CLEC16A: variants seen among roughly 807,000 people sequenced by gnomAD.
CLEC16A encodes protein CLEC16A.
In CLEC16A, 51 loss-of-function variants were observed where a neutral mutation model predicts 109.5. The observed-to-expected ratio is 0.47, with a 90% CI of 0.37 to 0.59. CLEC16A has a LOEUF of 0.59. Among genes scored for constraint, CLEC16A ranks in the 20% least tolerant of loss-of-function variants. The pLI is 0.00. For synonymous variants in CLEC16A, 673 were observed against 564.2 expected (o/e 1.19, Z -2.73); for missense variants, 1,339 against 1,394.0 (o/e 0.96, Z 0.63).
chr16:11,008,992 C>G (rs1362274460), intron 11 of CLEC16A, among the ~76,000 whole-genome samples: 1 of 152,122 alleles, frequency 6.6e-6, no homozygotes, highest in African/African-American at 2.4e-5. Flanking sequence ...GAGCGAGACT[C>G]TGTCTCAAAA....
intron 23 of CLEC16A, among the ~76,000 whole-genome samples, chr16:11,170,973 G>A (rs969343939): frequency 1.3e-5 from 2 of 152,210 alleles, no homozygotes; most frequent in African/African-American, 2.4e-5. Context: ...TGGTCCGTGA[G>A]GAAGGTGGCC....
At chr16:11,130,427 C>T (rs921947158) in intron 22 of CLEC16A, among the ~76,000 whole-genome samples, 11 of 152,204 alleles carry the variant, frequency 7.2e-5, no homozygotes, top group African/African-American at 2.2e-4. Flanking sequence ...CAGCATCCCT[C>T]GGCTAAATTT....
At chr16:10,978,577 T>C (rs906166516) in intron 8 of CLEC16A, among the ~76,000 whole-genome samples, 6 of 152,220 alleles carry the variant, frequency 3.9e-5, no homozygotes, top group African/African-American at 1.4e-4. Flanking sequence ...CAGCCAGGAC[T>C]GAGGCTTTGA....
At chr16:11,140,497 A>G (rs2053774096) in intron 22 of CLEC16A, among the ~76,000 whole-genome samples, 1 of 152,204 alleles carries the variant, frequency 6.6e-6, no homozygotes, top group Admixed American at 6.5e-5. Context: ...ACAGTGGTCT[A>G]GCATCTCAAA....
chr16:10,969,188 A>T lies in CLEC16A; in HGVS notation c.371A>T (p.Asn124Ile). 4 of 1,610,552 alleles carry T rather than the reference A, an allele frequency of 2.5e-6. No individual in the cohort carries two copies. The highest frequency in any genetic ancestry group is 3.4e-6 in the Non-Finnish European group (4 of 1,177,722). ...TATTTGCTCTCAAATAACTACGTAAATTCTATCATCGTTCATAAATTTGAC... is the reference window on the plus strand; with the variant it reads ...TATTTGCTCTCAAATAACTACGTAATTTCTATCATCGTTCATAAATTTGAC... ...LYYLLSNNYV[N>I]SIIVHKFDFS... is the part of the protein sequence containing the mutation. The change falls in exon 4 of 24, where the codon AAT becomes ATT. Residue 124 changes from asparagine to isoleucine, a missense_variant. Asn to Ile is a moderately radical substitution (Grantham distance 149). This residue lies in a region of CLEC16A where 161 missense variants were observed against 267.1 expected (regional missense o/e 0.60). Coordinates refer to ENST00000409790, the MANE Select transcript of CLEC16A (RefSeq NM_015226.3).
At chr16:11,166,256 G>C in intron 22 of CLEC16A, 132 bp from the exon 23 acceptor site, 1 of 980,066 alleles carries the variant, frequency 1.0e-6, no homozygotes, top group Non-Finnish European at 1.4e-6. Flanking sequence ...CGACCAGTGA[G>C]GTCAGCCTGT....
At chr16:11,045,341 C>T (rs936251640) in intron 16 of CLEC16A, among the ~76,000 whole-genome samples, 6 of 152,016 alleles carry the variant, frequency 3.9e-5, no homozygotes, top group Admixed American at 1.3e-4. Context: ...GGTGAGACTC[C>T]ATCTCAAAAA....
At chr16:11,087,387 C>A (rs9888908) in intron 19 of CLEC16A, among the ~76,000 whole-genome samples, 51,570 of 152,128 alleles carry the variant, frequency 0.34, 8,879 homozygotes, top group African/African-American at 0.39. Flanking sequence ...ACTTTTCGTC[C>A]TACAGCACAG....
intron 22 of CLEC16A, among the ~76,000 whole-genome samples, chr16:11,149,193 C>T (rs769774775): frequency 6.6e-6 from 1 of 152,118 alleles, no homozygotes; most frequent in Non-Finnish European, 1.5e-5. Flanking sequence ...GTGAGTCAGG[C>T]AGGCAGCGGG....
intron 11 of CLEC16A, among the ~76,000 whole-genome samples, chr16:11,012,594 CAAAAAAAAAAAAAAA>C (rs551902895): frequency 2.9e-5 from 2 of 67,940 alleles, no homozygotes; most frequent in Admixed American, 2.0e-4. Context: ...GACTCCGTCT[CAAAAAAAAAAAAAAA>C]AAAAAAAAAA....
At chr16:10,955,294 T>C (rs922943280) in intron 1 of CLEC16A, among the ~76,000 whole-genome samples, 1 of 152,178 alleles carries the variant, frequency 6.6e-6, no homozygotes, top group African/African-American at 2.4e-5. Flanking sequence ...CCATTCAGCA[T>C]TTATTGAACA....
intron 22 of CLEC16A, among the ~76,000 whole-genome samples, chr16:11,158,532 T>G (rs80327289): frequency 0.092 from 13,972 of 152,206 alleles, 679 homozygotes; most frequent in East Asian, 0.12. Context: ...AACTGAGATT[T>G]AAATGTCTTA....
At chr16:10,996,416 C>T (rs1271409475) in intron 10 of CLEC16A, among the ~76,000 whole-genome samples, 3 of 152,202 alleles carry the variant, frequency 2.0e-5, no homozygotes, top group African/African-American at 7.2e-5. Context: ...CCCAGGTGAC[C>T]TAGGCCTTAG....
chr16:11,037,714 G>A (rs2047101669), intron 13 of CLEC16A, among the ~76,000 whole-genome samples: 1 of 152,148 alleles, frequency 6.6e-6, no homozygotes, highest in Non-Finnish European at 1.5e-5. Context: ...CTGAAGCGGA[G>A]TGACTGCTGA....
At chr16:11,094,328 A>G (rs574062751) in intron 19 of CLEC16A, among the ~76,000 whole-genome samples, 96 of 152,328 alleles carry the variant, frequency 6.3e-4, no homozygotes, top group African/African-American at 2.2e-3. Context: ...TGTCCTGGGC[A>G]GGCCGAGCCT....
At chr16:11,154,003 A>G (rs79207961) in intron 22 of CLEC16A, among the ~76,000 whole-genome samples, 2,617 of 152,270 alleles carry the variant, frequency 0.017, 89 homozygotes, top group African/African-American at 0.06. Context: ...ATTTCTAAGC[A>G]TTTTGTTGAA....
chr16:11,045,419 A>G (rs898874987), intron 16 of CLEC16A, among the ~76,000 whole-genome samples: 2 of 152,154 alleles, frequency 1.3e-5, no homozygotes, highest in African/African-American at 4.8e-5. Flanking sequence ...GGCAGATTTG[A>G]TATCTTGTGA....
chr16:10,996,990 C>T lies in CLEC16A; in HGVS notation c.1072-6084C>T, dbSNP rs1365939148. On this transcript the variant is annotated intron_variant, in intron 10 of 23. Transcript: ENST00000409790. ...TGTTTGTTTGTTTTTGAGACACGGTCTTGCTGTGTCACCCAGGCTGGAGTG... is the reference window on the plus strand; with the variant it reads ...TGTTTGTTTGTTTTTGAGACACGGTTTTGCTGTGTCACCCAGGCTGGAGTG... Among the ~76,000 whole-genome samples the T allele has an allele frequency of 9.2e-5, 14 of 152,212 alleles. 1 individual carries two copies. The highest frequency in any genetic ancestry group is 9.2e-4 in the Admixed American group (14 of 15,284).
intron 19 of CLEC16A, among the ~76,000 whole-genome samples, chr16:11,069,402 T>G (rs1017695772): frequency 6.6e-6 from 1 of 152,062 alleles, no homozygotes; most frequent in Non-Finnish European, 1.5e-5. Flanking sequence ...GTATTGGGAT[T>G]ATAGGCATGA....
Sources: allele counts gnomAD v4.1 joint callset (sites outside exome capture counted in the v4.1 genomes callset), GRCh38; gene constraint gnomAD v4.1.1; regional missense constraint gnomAD v4.1.1; transcripts MANE v1.5; gene names NCBI Gene and HGNC (gene_info 2026-07-23, HGNC 2026-07-21).